Variants in LRRC4C observed in about 807,000 individuals in gnomAD.
LRRC4C encodes leucine rich repeat containing 4C.
LRRC4C carries 5 observed loss-of-function variants against 33.6 expected under a neutral mutation model. The observed-to-expected ratio is 0.15, with a 90% confidence interval of 0.08 to 0.31. The LOEUF (loss-of-function observed/expected upper bound fraction) is 0.31. Ranked by LOEUF, LRRC4C falls within the 10% of genes least tolerant of loss-of-function variation. LRRC4C has a pLI of 1.00. For synonymous variants in LRRC4C, 329 were observed against 302.0 expected, an observed-to-expected ratio of 1.09 and a Z score of -0.93; for missense variants, 560 against 796.7, an observed-to-expected ratio of 0.70 and a Z score of 3.58.
chr11:41,016,689 A>T (rs528562101), intron 1 of LRRC4C, among the ~76,000 whole-genome samples: 1 of 119,354 alleles, frequency 8.4e-6, no homozygotes, highest in South Asian at 3.2e-4. Flanking sequence ...TTGCTTCAAT[A>T]ATCATGAGTG....
rs757815384 is a variant in LRRC4C, at chr11:40,116,059, T to C, written c.234A>G (p.Thr78=). Residue 78 remains threonine (T), a synonymous_variant, in exon 7 of 7, where the codon ACA becomes ACG. Transcript: ENST00000528697. ...REVPDGISTN[T]RLLNLHENQI... ...GGTTCTCATGGAGGTTCAGCAGCCG[T>C]GTGTTGGTGGAGATGCCATCCGGAA... The C allele has an allele frequency of 6.2e-7, 1 of 1,614,090 alleles. No homozygotes were observed. The highest frequency in any genetic ancestry group is 8.5e-7 in the Non-Finnish European group (1 of 1,180,008).
intron 2 of LRRC4C, among the ~76,000 whole-genome samples, chr11:40,753,671 A>G (rs2137009661): frequency 6.6e-6 from 1 of 150,920 alleles, no homozygotes; most frequent in Admixed American, 6.6e-5. Context: ...ACATAATTTT[A>G]TTTCGATTTA....
At chr11:40,591,086 G>A (rs548717231) in intron 3 of LRRC4C, among the ~76,000 whole-genome samples, 11 of 152,208 alleles carry the variant, frequency 7.2e-5, no homozygotes, top group South Asian at 6.2e-4. Context: ...CCTCGCTGCC[G>A]CCTTGCAGTT....
chr11:41,059,274 TAAACAAC>T (rs991459258), intron 1 of LRRC4C, among the ~76,000 whole-genome samples: 3 of 91,912 alleles, frequency 3.3e-5, no homozygotes, highest in East Asian at 3.0e-4. Flanking sequence ...TGATGACAAA[TAAACAAC>T]AACAACAACA....
chr11:40,116,179 C>A lies in LRRC4C; in HGVS notation c.114G>T (p.Val38=). Residue 38 remains valine (V), a synonymous_variant, in exon 7 of 7, where the codon GTG becomes GTT. Coordinates refer to ENST00000528697, the MANE Select transcript of LRRC4C (RefSeq NM_001258419.2). The part of the protein sequence containing the change: ...VVLLALQLLV[V]AGLVRAQTCP... ...AGGTCTGAGCCCGCACCAGACCAGC[C>A]ACCACAAGAAGTTGAAGAGCCAGCA... 1 of 1,613,898 alleles carries A rather than the reference C, an allele frequency of 6.2e-7. No homozygotes were observed. Among genetic ancestry groups the A allele is most frequent in the Non-Finnish European group, 8.5e-7 (1 of 1,179,962 alleles).
At chr11:40,299,344 T>A (rs560891300) in intron 4 of LRRC4C, among the ~76,000 whole-genome samples, 1 of 152,348 alleles carries the variant, frequency 6.6e-6, no homozygotes, top group Non-Finnish European at 1.5e-5. Context: ...TTTCTCTTTA[T>A]TACTTTAGAG....
chr11:41,388,809 G>A (rs1429221040), intron 1 of LRRC4C, among the ~76,000 whole-genome samples: 1 of 151,790 alleles, frequency 6.6e-6, no homozygotes, highest in Non-Finnish European at 1.5e-5. Flanking sequence ...GATGAAAGTG[G>A]CCCTTAGTAG....
intron 5 of LRRC4C, among the ~76,000 whole-genome samples, chr11:40,192,691 A>G (rs1734988151): frequency 6.6e-6 from 1 of 152,132 alleles, no homozygotes; most frequent in Admixed American, 6.5e-5. Context: ...CCAACAAGCT[A>G]AGATCCACTG....
intron 1 of LRRC4C, among the ~76,000 whole-genome samples, chr11:41,053,341 C>A (rs916349192): frequency 3.9e-5 from 6 of 152,148 alleles, no homozygotes; most frequent in African/African-American, 1.4e-4. Flanking sequence ...GAACTGAGAC[C>A]GGCTGCTGGC....
intron 1 of LRRC4C, among the ~76,000 whole-genome samples, chr11:40,963,222 T>G (rs140906757): frequency 6.6e-6 from 1 of 151,684 alleles, no homozygotes; most frequent in Non-Finnish European, 1.5e-5. Context: ...ACACCACTCA[T>G]AGAGTACCTA....
At chr11:40,321,003 G>A (rs377300810) in intron 3 of LRRC4C, among the ~76,000 whole-genome samples, 1 of 151,994 alleles carries the variant, frequency 6.6e-6, no homozygotes, top group Non-Finnish European at 1.5e-5. Flanking sequence ...TCTACCTGAC[G>A]GAGTTTAGTA....
chr11:40,260,439 G>T (rs1172707097), intron 4 of LRRC4C, among the ~76,000 whole-genome samples: 4 of 148,334 alleles, frequency 2.7e-5, no homozygotes, highest in Non-Finnish European at 5.9e-5. Context: ...AGCATTGGGA[G>T]ATATACCTAA....
rs138648179 is a variant in LRRC4C, at chr11:41,147,373, A to C, written c.-495-213650T>G. 6.1e-3 allele frequency among the ~76,000 whole-genome samples: 933 copies of C among 152,172 alleles called. 15 individuals are homozygous for C. Among genetic ancestry groups the C allele is most frequent in the African/African-American group, 0.021 (885 of 41,476 alleles). On this transcript the variant is annotated intron_variant, in intron 1 of 6. Coordinates refer to ENST00000528697, the MANE Select transcript of LRRC4C (RefSeq NM_001258419.2). Reference sequence around the variant, plus strand: ...GTGAGGAAGTAACCTGTACACCAAAACCCCATGACATAAAATTTACCTGTA... The same window carrying C: ...GTGAGGAAGTAACCTGTACACCAAACCCCCATGACATAAAATTTACCTGTA...
chr11:40,782,881 C>A (rs1379378508), intron 2 of LRRC4C, among the ~76,000 whole-genome samples: 1 of 152,050 alleles, frequency 6.6e-6, no homozygotes, highest in Non-Finnish European at 1.5e-5. Context: ...CATCTACATA[C>A]ACATGTTTAT....
At chr11:40,885,893 A>G (rs1006091401) in intron 2 of LRRC4C, among the ~76,000 whole-genome samples, 1 of 152,114 alleles carries the variant, frequency 6.6e-6, no homozygotes, top group African/African-American at 2.4e-5. Flanking sequence ...TCAATGCTCT[A>G]AGGATCCCCT....
At chr11:40,725,820 CT>C (rs762921524) in intron 2 of LRRC4C, among the ~76,000 whole-genome samples, 3 of 152,136 alleles carry the variant, frequency 2.0e-5, no homozygotes, top group Non-Finnish European at 4.4e-5. Context: ...CATCTCTTTC[CT>C]GTGTGCTGCT....
At chr11:40,200,579 A>T (rs1483158495) in intron 5 of LRRC4C, among the ~76,000 whole-genome samples, 1 of 151,976 alleles carries the variant, frequency 6.6e-6, no homozygotes, top group Non-Finnish European at 1.5e-5. Context: ...CCTGCCGCAT[A>T]CCTGAAGGAA....
chr11:40,477,029 A>G (rs938425186), intron 3 of LRRC4C, among the ~76,000 whole-genome samples: 1 of 152,106 alleles, frequency 6.6e-6, no homozygotes, highest in Non-Finnish European at 1.5e-5. Context: ...GCAATAATTC[A>G]GTTTAGTTAG....
chr11:40,366,064 G>A (rs1948195074), intron 3 of LRRC4C, among the ~76,000 whole-genome samples: 1 of 151,904 alleles, frequency 6.6e-6, no homozygotes, highest in Non-Finnish European at 1.5e-5. Flanking sequence ...CTTAGAAAAA[G>A]CCTGATTTTA....
Sources: gnomAD v4.1 joint callset for allele counts (sites outside exome capture counted in the v4.1 genomes callset) on GRCh38, gnomAD v4.1.1 for gene constraint, MANE v1.5 for transcripts, NCBI Gene and HGNC (gene_info 2026-07-23, HGNC 2026-07-21) for gene names.